PARD6G: variants seen among roughly 807,000 people sequenced by gnomAD.
PARD6G encodes the protein par-6 family cell polarity regulator gamma, also known as partitioning defective 6 homolog gamma.
In PARD6G, 7 loss-of-function variants were observed where a neutral mutation model predicts 10.7. The observed-to-expected ratio is 0.66, with a 90% CI of 0.37 to 1.23. PARD6G has a LOEUF of 1.23. Ranked by LOEUF, PARD6G falls within the 50% of genes most tolerant of loss-of-function variation. PARD6G has a pLI of 0.02. For missense variants in PARD6G, 548 were observed against 571.8 expected, an observed-to-expected ratio of 0.96 and a Z score of 0.42; for synonymous variants, 287 against 269.4, an observed-to-expected ratio of 1.07 and a Z score of -0.64.
At chr18:80,242,210 A>G (rs960051800) in intron 1 of PARD6G, among the ~76,000 whole-genome samples, 14 of 152,332 alleles carry the variant, frequency 9.2e-5, no homozygotes, top group African/African-American at 3.1e-4. Flanking sequence ...TGACTTCCCA[A>G]ATCAAGTCAC....
At chr18:80,206,321 AT>A (rs1967053857) in intron 1 of PARD6G, among the ~76,000 whole-genome samples, 1 of 152,166 alleles carries the variant, frequency 6.6e-6, no homozygotes, top group African/African-American at 2.4e-5. Context: ...TAAAAATCAT[AT>A]TGGTATTGGG....
chr18:80,215,711 C>A (rs543461624), intron 1 of PARD6G, among the ~76,000 whole-genome samples: 3 of 151,948 alleles, frequency 2.0e-5, no homozygotes, highest in African/African-American at 7.2e-5. Flanking sequence ...TAATGGAGAG[C>A]AAAATGATGA....
intron 1 of PARD6G, among the ~76,000 whole-genome samples, chr18:80,238,856 C>T (rs1428388520): frequency 7.8e-5 from 6 of 76,674 alleles, no homozygotes; most frequent in Admixed American, 3.6e-4. Flanking sequence ...GTCACAGAAT[C>T]GGGGGGCGGG....
At position 80,160,802 on chromosome 18, in the gene PARD6G, C is replaced by A. The variant is rs540240873; in HGVS notation, c.296-196G>T. On this transcript the variant is annotated intron_variant, in intron 2 of 2. Coordinates refer to ENST00000353265, the MANE Select transcript of PARD6G (RefSeq NM_032510.4). ...CCCCTAAAATTAACTCTCTAGCACT[C>A]TCCTTACAGCTCCACAGGCACCAAA... 3.7e-4 allele frequency among the ~76,000 whole-genome samples: 57 copies of A among 152,356 alleles called. No individual in the cohort carries two copies. The South Asian group carries it at 4.3e-3, about 12-fold the overall frequency.
rs1462592721 is a variant in PARD6G at position 80,231,924 on chromosome 18, G to T, written c.72+15353C>A. 1.3e-5 allele frequency among the ~76,000 whole-genome samples: 2 copies of T among 152,090 alleles called. No individual in the cohort carries two copies. Among genetic ancestry groups the T allele is most frequent in the Non-Finnish European group, 2.9e-5 (2 of 68,024 alleles). On this transcript the variant is annotated intron_variant, in intron 1 of 2. Transcript: ENST00000353265. This position sits in a 1 kb window ranked among gnomAD's most constrained non-coding sequence, Gnocchi z 4.2. ...TAGCACAGGATAGTAAGCCTGTTTTGGGCTCACACTGTGGGCCTGAGCTGC... is the reference window on the plus strand; with the variant it reads ...TAGCACAGGATAGTAAGCCTGTTTTTGGCTCACACTGTGGGCCTGAGCTGC...
At chr18:80,165,295 T>C (rs1192215856) in intron 2 of PARD6G, among the ~76,000 whole-genome samples, 1 of 152,170 alleles carries the variant, frequency 6.6e-6, no homozygotes, top group Non-Finnish European at 1.5e-5. Flanking sequence ...AGAAAAGAAT[T>C]TAGTGATCTC....
intron 2 of PARD6G, chr18:80,202,468 G>A: frequency 2.4e-6 from 1 of 415,918 alleles, no homozygotes; most frequent in South Asian, 2.5e-5. Flanking sequence ...TTAAATGACT[G>A]GAAGTATCAA....
At position 80,184,877 on chromosome 18, in the gene PARD6G, C is replaced by G. The variant is rs966646216; in HGVS notation, c.295+17833G>C. Reference sequence around the variant, plus strand: ...CTAAACTGACTATGGCTGCACAACTCTGTGAACACACTAAAAACACTGGCT... The same window carrying G: ...CTAAACTGACTATGGCTGCACAACTGTGTGAACACACTAAAAACACTGGCT... On this transcript the variant is annotated intron_variant, in intron 2 of 2. Transcript: ENST00000353265. This position sits in a 1 kb window ranked among gnomAD's most constrained non-coding sequence, Gnocchi z 4.5. 1.3e-5 allele frequency: 2 copies of G among 152,204 alleles called. No individual in the cohort carries two copies. The highest frequency in any genetic ancestry group is 4.8e-5 in the African/African-American group (2 of 41,444). 9.4% of individuals were successfully genotyped at this position (152,204 alleles called of 1,614,324 possible).
At chr18:80,223,953 C>T (rs1967259078) in intron 1 of PARD6G, among the ~76,000 whole-genome samples, 1 of 152,222 alleles carries the variant, frequency 6.6e-6, no homozygotes, top group African/African-American at 2.4e-5. Context: ...GCTGGCAGGG[C>T]TGGCTTTTCC....
intron 1 of PARD6G, among the ~76,000 whole-genome samples, chr18:80,237,508 A>C (rs1967437140): frequency 6.6e-6 from 1 of 152,234 alleles, no homozygotes; most frequent in Non-Finnish European, 1.5e-5. Flanking sequence ...AATGGGATCT[A>C]ATTAAACTAA....
intron 1 of PARD6G, among the ~76,000 whole-genome samples, chr18:80,209,394 T>C (rs1967085155): frequency 6.6e-6 from 1 of 152,232 alleles, no homozygotes; most frequent in Non-Finnish European, 1.5e-5. Flanking sequence ...TTCTATTTTG[T>C]AGTTGACCCC....
chr18:80,224,077 A>G (rs1967260626), intron 1 of PARD6G, among the ~76,000 whole-genome samples: 1 of 152,190 alleles, frequency 6.6e-6, no homozygotes, highest in Admixed American at 6.5e-5. Flanking sequence ...ACCCCAAACT[A>G]CAAAAGTCCT....
intron 1 of PARD6G, among the ~76,000 whole-genome samples, chr18:80,212,794 A>G (rs556419932): frequency 4.7e-4 from 71 of 152,228 alleles, no homozygotes; most frequent in Middle Eastern, 3.4e-3. Context: ...CTGAGACAGG[A>G]GAATCACTTG....
At chr18:80,218,420 A>G (rs1967193600) in intron 1 of PARD6G, among the ~76,000 whole-genome samples, 2 of 152,190 alleles carry the variant, frequency 1.3e-5, no homozygotes, top group Non-Finnish European at 2.9e-5. Context: ...CAGGGCAGTC[A>G]CTAAACTTAA....
chr18:80,243,714 T>C (rs369143438), intron 1 of PARD6G, among the ~76,000 whole-genome samples: 15 of 152,228 alleles, frequency 9.9e-5, no homozygotes, highest in African/African-American at 3.6e-4. Context: ...CAGAGAAAGT[T>C]TGTTCTGGCA....
chr18:80,164,773 C>T (rs568556840), intron 2 of PARD6G, among the ~76,000 whole-genome samples: 10 of 152,256 alleles, frequency 6.6e-5, no homozygotes, highest in Middle Eastern at 3.4e-3. Context: ...TCGGTAGGTC[C>T]GTGATGCCCA....
At position 80,159,671 on chromosome 18, in the gene PARD6G, T is replaced by C. The variant is rs985633529; in HGVS notation, c.*100A>G. On this transcript the variant is annotated 3_prime_UTR_variant, in exon 3 of 3. Coordinates refer to ENST00000353265, the MANE Select transcript of PARD6G (RefSeq NM_032510.4). ...GAAACAAAGAGCAGCGTTGTTTTTG[T>C]GGTCACAAAAACAACAAAAAATGAG... 200 of 1,314,092 alleles carry C rather than the reference T, an allele frequency of 1.5e-4. No individual in the cohort carries two copies. The highest frequency in any genetic ancestry group is 3.9e-5 in the Non-Finnish European group (40 of 1,029,378). 81.4% of individuals were successfully genotyped at this position (1,314,092 alleles called of 1,614,324 possible). A position where few individuals can be genotyped will look rare whatever the true frequency, so the allele number is the denominator to read the frequency against.
At position 80,246,754 on chromosome 18, in the gene PARD6G, T is replaced by G. The variant is rs1049516936; in HGVS notation, c.72+523A>C. On this transcript the variant is annotated intron_variant, in intron 1 of 2. Coordinates refer to ENST00000353265, the MANE Select transcript of PARD6G (RefSeq NM_032510.4). This position sits in a 1 kb window ranked among gnomAD's most constrained non-coding sequence, Gnocchi z 6.7. The stretch of plus-strand genomic sequence containing the variant: ...GGGGAGCGCGCCTGGTGCCTAGATG[T>G]TTGGTACCGAGCGGGTGGGGGACGC... Among the ~76,000 whole-genome samples the G allele has an allele frequency of 2.0e-5, 3 of 151,540 alleles. No homozygotes were observed. Among genetic ancestry groups the G allele is most frequent in the South Asian group, 2.1e-4 (1 of 4,808 alleles).
chr18:80,203,497 A>G lies in PARD6G; in HGVS notation c.73-565T>C, dbSNP rs867141015. ...ACCGAGGGACAGCTCAGTCATCAACACAGATGAATATCCTGAGGACAGGAT... is the reference window on the plus strand; with the variant it reads ...ACCGAGGGACAGCTCAGTCATCAACGCAGATGAATATCCTGAGGACAGGAT... On this transcript the variant is annotated intron_variant, in intron 1 of 2. Coordinates refer to ENST00000353265, the MANE Select transcript of PARD6G (RefSeq NM_032510.4). Among the ~76,000 whole-genome samples the G allele has an allele frequency of 3.3e-5, 5 of 152,302 alleles. 1 individual carries two copies. In the Middle Eastern group the frequency reaches 0.01, roughly 311 times the overall value.
Sources: allele counts gnomAD v4.1 joint callset (sites outside exome capture counted in the v4.1 genomes callset), GRCh38; gene constraint gnomAD v4.1.1; non-coding constraint Gnocchi (gnomAD v3.1); transcripts MANE v1.5; gene names NCBI Gene and HGNC (gene_info 2026-07-23, HGNC 2026-07-21).